The following SOX5 variants were observed in gnomAD, a reference collection of about 807,000 sequenced individuals.
SOX5 encodes the protein transcription factor SOX-5.
SOX5 carries 9 observed loss-of-function variants against 92.0 expected under a neutral mutation model. The ratio of observed to expected loss-of-function variants is 0.10; its 90% CI spans 0.06 to 0.17. The LOEUF (loss-of-function observed/expected upper bound fraction) is 0.17. Among genes scored for constraint, SOX5 ranks in the 10% least tolerant of loss-of-function variants. The pLI, the probability that SOX5 is intolerant of heterozygous loss-of-function variation, is 1.00. For synonymous variants in SOX5, 344 were observed against 336.3 expected (o/e 1.02, Z -0.25); for missense variants, 642 against 944.5 (o/e 0.68, Z 4.20).
At chr12:24,378,421 G>A (rs1957501849) in intron 1 of SOX5, among the ~76,000 whole-genome samples, 1 of 152,162 alleles carries the variant, frequency 6.6e-6, no homozygotes. Flanking sequence ...AATTCAAACA[G>A]TCTTTAATCT....
At chr12:23,731,594 A>C (rs2093395391) in intron 6 of SOX5, among the ~76,000 whole-genome samples, 1 of 152,304 alleles carries the variant, frequency 6.6e-6, no homozygotes, top group East Asian at 1.9e-4. Flanking sequence ...ATCTCACAAC[A>C]ACAATGAGCA....
chr12:24,048,314 A>G (rs560663240), intron 4 of SOX5, among the ~76,000 whole-genome samples: 1 of 152,134 alleles, frequency 6.6e-6, no homozygotes, highest in Non-Finnish European at 1.5e-5. Flanking sequence ...ACTCATGCCT[A>G]TTTACTATTC....
chr12:24,422,015 C>T (rs184345484), intron 1 of SOX5, among the ~76,000 whole-genome samples: 1 of 152,266 alleles, frequency 6.6e-6, no homozygotes, highest in Admixed American at 6.5e-5. Flanking sequence ...GACTATAATC[C>T]CATCTGTAAA....
intron 1 of SOX5, among the ~76,000 whole-genome samples, chr12:24,386,377 G>A (rs1177833083): frequency 6.6e-6 from 1 of 151,926 alleles, no homozygotes; most frequent in East Asian, 1.9e-4. Flanking sequence ...TACTTTTATA[G>A]TACCTCAAAC....
intron 1 of SOX5, among the ~76,000 whole-genome samples, chr12:24,432,056 C>T (rs963408239): frequency 6.6e-5 from 10 of 152,094 alleles, no homozygotes; most frequent in Admixed American, 2.6e-4. Context: ...CAGTGTCACC[C>T]CACCTCAGGA....
intron 7 of SOX5, among the ~76,000 whole-genome samples, chr12:23,655,974 T>C (rs1413523290): frequency 6.6e-6 from 1 of 151,868 alleles, no homozygotes; most frequent in Non-Finnish European, 1.5e-5. Context: ...ATATTTTATA[T>C]TTATACAATA....
chr12:24,378,943 A>G (rs1045227515), intron 1 of SOX5, among the ~76,000 whole-genome samples: 1 of 152,192 alleles, frequency 6.6e-6, no homozygotes, highest in Non-Finnish European at 1.5e-5. Flanking sequence ...TTCTCCCCTT[A>G]CAGATGTAGA....
intron 2 of SOX5, among the ~76,000 whole-genome samples, chr12:24,345,413 C>A (rs1953109721): frequency 2.0e-5 from 3 of 152,258 alleles, no homozygotes; most frequent in East Asian, 1.9e-4. Flanking sequence ...ACTTGTAGTC[C>A]ATCTAGCACT....
At chr12:24,469,781 G>T (rs577325487) in intron 1 of SOX5, among the ~76,000 whole-genome samples, 4 of 152,150 alleles carry the variant, frequency 2.6e-5, no homozygotes, top group African/African-American at 9.7e-5. Context: ...GAGGATGAAT[G>T]CTGCATACCA....
chr12:24,464,206 A>C (rs1943960288), intron 1 of SOX5, among the ~76,000 whole-genome samples: 1 of 152,210 alleles, frequency 6.6e-6, no homozygotes, highest in African/African-American at 2.4e-5. Flanking sequence ...TGATGTGTGC[A>C]TGTAAGTATG....
At position 24,475,356 on chromosome 12, in the gene SOX5, T is replaced by C. The variant is rs145581208; in HGVS notation, c.-251+86973A>G. The stretch of plus-strand genomic sequence containing the variant: ...AAACATGGTTCAAGTCTCTCCCTTA[T>C]AGGAGCATAAGCCTCTCGAAGGCAG... On this transcript the variant is annotated intron_variant, in intron 1 of 4. Coordinates refer to the SOX5 transcript ENST00000446891. Among the ~76,000 whole-genome samples the C allele has an allele frequency of 4.6e-5, 7 of 152,322 alleles. No homozygotes were observed. The East Asian group carries it at 9.6e-4, about 21-fold the overall frequency.
intron 10 of SOX5, among the ~76,000 whole-genome samples, chr12:23,570,562 G>A (rs1164358274): frequency 1.3e-5 from 2 of 151,864 alleles, no homozygotes; most frequent in Non-Finnish European, 2.9e-5. Context: ...CGAATCCCTT[G>A]AGTCCAGGAG....
chr12:24,426,309 G>A (rs750418838), intron 1 of SOX5, among the ~76,000 whole-genome samples: 11 of 151,966 alleles, frequency 7.2e-5, no homozygotes, highest in East Asian at 1.9e-4. Flanking sequence ...GGGGCCTGTC[G>A]GGGGGTGGGG....
chr12:24,511,659 T>A (rs1949315791), intron 1 of SOX5, among the ~76,000 whole-genome samples: 1 of 152,088 alleles, frequency 6.6e-6, no homozygotes, highest in Non-Finnish European at 1.5e-5. Context: ...GACATTTTAT[T>A]TTTTTTAAAG....
chr12:23,565,481 A>G (rs779416305), intron 10 of SOX5, among the ~76,000 whole-genome samples: 62 of 152,302 alleles, frequency 4.1e-4, no homozygotes, highest in Admixed American at 7.9e-4. Flanking sequence ...TCTCCAGAAC[A>G]CAAATATATT....
At chr12:24,323,105 A>T (rs1177463967) in intron 2 of SOX5, among the ~76,000 whole-genome samples, 1 of 152,030 alleles carries the variant, frequency 6.6e-6, no homozygotes. Flanking sequence ...ATAATCACAG[A>T]ACCCACACCA....
intron 7 of SOX5, among the ~76,000 whole-genome samples, chr12:23,647,602 C>A (rs951904750): frequency 1.3e-5 from 2 of 152,188 alleles, no homozygotes; most frequent in Non-Finnish European, 2.9e-5. Context: ...ACTTTTGCAT[C>A]AATGACCTTA....
intron 1 of SOX5, among the ~76,000 whole-genome samples, chr12:24,427,211 A>G (rs1966845866): frequency 6.6e-6 from 1 of 152,202 alleles, no homozygotes; most frequent in African/African-American, 2.4e-5. Flanking sequence ...TCTATCTGGC[A>G]TGAAAAGTTT....
At chr12:24,165,864 A>G (rs1267481853) in intron 4 of SOX5, among the ~76,000 whole-genome samples, 1 of 152,168 alleles carries the variant, frequency 6.6e-6, no homozygotes, top group East Asian at 1.9e-4. Flanking sequence ...ATTTAATCTA[A>G]AAATTAAGGC....
Sources: gnomAD v4.1 joint callset for allele counts (sites outside exome capture counted in the v4.1 genomes callset) on GRCh38, gnomAD v4.1.1 for gene constraint, MANE v1.5 for transcripts, NCBI Gene and HGNC (gene_info 2026-07-23, HGNC 2026-07-21) for gene names.